The following FCRL3 variants were observed in gnomAD, a reference collection of about 807,000 sequenced individuals.
FCRL3 encodes the protein Fc receptor-like protein 3.
In FCRL3, 89 loss-of-function variants were observed where a neutral mutation model predicts 75.0. The ratio of observed to expected loss-of-function variants is 1.19; its 90% CI spans 1.00 to 1.42. FCRL3 has a LOEUF of 1.42. Ranked by LOEUF, FCRL3 falls within the 40% of genes most tolerant of loss-of-function variation. FCRL3 has a pLI of 0.00. For synonymous variants in FCRL3, 376 were observed against 348.5 expected (o/e 1.08, Z -0.88); for missense variants, 946 against 880.0 (o/e 1.07, Z -0.95).
chr1:157,699,641 G>A (rs1048757463), intron 3 of FCRL3, 51 bp downstream of exon 3: 13 of 1,606,810 alleles, frequency 8.1e-6, no homozygotes, highest in African/African-American at 1.3e-5. Flanking sequence ...TGTGTGGGCT[G>A]AGGGGACCAA....
At chr1:157,683,081 T>C in intron 11 of FCRL3, 136 bp downstream of exon 11, 1 of 917,574 alleles carries the variant, frequency 1.1e-6, no homozygotes. Flanking sequence ...CATTCACTTA[T>C]ATCTACTTTT....
intron 8 of FCRL3, among the ~76,000 whole-genome samples, chr1:157,694,406 G>T (rs889477879): frequency 1.3e-5 from 2 of 152,176 alleles, no homozygotes; most frequent in Non-Finnish European, 2.9e-5. Context: ...TTGGCCTATA[G>T]GAAGGATTAT....
chr1:157,688,326 A>G (rs1307756887), intron 10 of FCRL3, among the ~76,000 whole-genome samples: 1 of 152,172 alleles, frequency 6.6e-6, no homozygotes, highest in Non-Finnish European at 1.5e-5. Flanking sequence ...AAGTGATTCA[A>G]CCAGGGATAC....
In FCRL3 at chr1:157,677,684, A is replaced by G. The variant is rs1292502150; in HGVS notation, c.*1026T>C. 1.5e-5 allele frequency: 12 copies of G among 810,416 alleles called. No individual in the cohort carries two copies. The highest frequency in any genetic ancestry group is 5.7e-5 in the South Asian group (1 of 17,654). 50.2% of individuals were successfully genotyped at this position (810,416 alleles called of 1,614,324 possible). ...AACAAATGAACTATAGCAACACGCAACAATATGGATGAATCTTAGAAATAC... is the reference window on the plus strand; with the variant it reads ...AACAAATGAACTATAGCAACACGCAGCAATATGGATGAATCTTAGAAATAC... On this transcript the variant is annotated 3_prime_UTR_variant, in exon 15 of 15. Transcript: ENST00000368184.
chr1:157,680,276 G>A (rs572685506), intron 13 of FCRL3, among the ~76,000 whole-genome samples: 1 of 152,320 alleles, frequency 6.6e-6, no homozygotes, highest in South Asian at 2.1e-4. Context: ...GTTAATCTAG[G>A]CACTGATGTG....
intron 10 of FCRL3, among the ~76,000 whole-genome samples, chr1:157,683,710 G>A (rs890561881): frequency 2.0e-5 from 3 of 152,058 alleles, no homozygotes; most frequent in Non-Finnish European, 4.4e-5. Context: ...CTCTAACTGT[G>A]ACCCCTCACC....
chr1:157,695,575 C>A lies in FCRL3; in HGVS notation c.1165G>T (p.Ala389Ser). ...PVSHPVLTFR[A>S]PRAHTVVGDL... ...CCCACCACAGTGTGGGCCCTGGGAG[C>A]CCTGAAGGTGAGGACAGGGTGAGAT... The change falls in exon 8 of 15, where the codon GCT becomes TCT. Residue 389 changes from alanine to serine, a missense_variant. Coordinates refer to ENST00000368184, the MANE Select transcript of FCRL3 (RefSeq NM_052939.4). 6.2e-7 allele frequency: 1 copy of A among 1,613,060 alleles called. No homozygotes were observed. Among genetic ancestry groups the A allele is most frequent in the Non-Finnish European group, 8.5e-7 (1 of 1,179,438 alleles).
rs1654519767 is a variant in FCRL3 at position 157,677,271 on chromosome 1, T to C, written c.*1439A>G. ...AACCTAAGGGTAGCAGAGTTTATGGTGACCCTGTAGTGTATCTCCAGAAAT... is the reference window on the plus strand; with the variant it reads ...AACCTAAGGGTAGCAGAGTTTATGGCGACCCTGTAGTGTATCTCCAGAAAT... On this transcript the variant is annotated 3_prime_UTR_variant, in exon 15 of 15. Transcript: ENST00000368184. 1 of 996,856 alleles carries C rather than the reference T, an allele frequency of 1.0e-6. No homozygotes were observed. The allele number at this position is 996,856 out of a possible 1,614,324, so 61.8% of individuals were successfully genotyped here.
chr1:157,694,328 G>A (rs1373529937), intron 8 of FCRL3, among the ~76,000 whole-genome samples: 1 of 152,124 alleles, frequency 6.6e-6, no homozygotes, highest in Non-Finnish European at 1.5e-5. Context: ...TTCAAGACTC[G>A]AGTCTCTGTT....
intron 11 of FCRL3, among the ~76,000 whole-genome samples, chr1:157,682,740 C>T (rs1013980426): frequency 1.3e-5 from 2 of 152,244 alleles, no homozygotes; most frequent in Middle Eastern, 3.2e-3. Flanking sequence ...TTTTACACCT[C>T]ATATTACAAT....
rs183535679 is a variant in FCRL3, at chr1:157,680,990, A to G, written c.1948T>C (p.Tyr650His). 30 of 1,586,410 alleles carry G rather than the reference A, an allele frequency of 1.9e-5. No individual in the cohort carries two copies. The Admixed American group carries it at 3.7e-4, about 20-fold the overall frequency. ...PLAPMELEPMYSNVNPGDSNP... is the reference protein window; with the variant it reads ...PLAPMELEPMHSNVNPGDSNP... ...CCTAGGGAGTCCTCACCATTGCTGT[A>G]CATTGGCTCCAGCTCCATTGGGGCT... is the stretch of plus-strand genomic sequence containing the variant. Residue 650 changes from tyrosine (Y) to histidine (H), a missense_variant, in exon 12 of 15, where the codon TAC (tyrosine) becomes CAC (histidine). Tyr to His is a moderately conservative substitution (Grantham distance 83, BLOSUM62 2). Transcript: ENST00000368184.
chr1:157,692,223 T>A (rs1015820589), intron 8 of FCRL3, among the ~76,000 whole-genome samples: 3 of 152,112 alleles, frequency 2.0e-5, no homozygotes, highest in Non-Finnish European at 4.4e-5. Context: ...TTTTATTTTT[T>A]AATTTAATTT....
rs753573103 is a variant in FCRL3, at chr1:157,678,803, T to C, written c.2112A>G (p.Ala704=). The change falls in exon 15 of 15, where the codon GCA becomes GCG. Residue 704 remains alanine, a synonymous_variant. Coordinates refer to ENST00000368184, the MANE Select transcript of FCRL3 (RefSeq NM_052939.4). ...ELKKTHPDDS[A]GEASSRGRAH... Reference sequence around the variant, plus strand: ...CCCTGCCTCTGCTGCTAGCCTCCCCTGCAGAGTCGTCTGGGTGTGTCTTCT... The same window carrying C: ...CCCTGCCTCTGCTGCTAGCCTCCCCCGCAGAGTCGTCTGGGTGTGTCTTCT... The C allele has an allele frequency of 6.2e-7, 1 of 1,613,928 alleles. No homozygotes were observed. The highest frequency in any genetic ancestry group is 8.5e-7 in the Non-Finnish European group (1 of 1,179,992).
At chr1:157,694,875 A>G (rs1655784208) in intron 8 of FCRL3, among the ~76,000 whole-genome samples, 2 of 152,308 alleles carry the variant, frequency 1.3e-5, no homozygotes, top group South Asian at 4.1e-4. Flanking sequence ...AGAAGTGGGT[A>G]TCCATGAAGA....
chr1:157,697,940 C>T (rs1656061475), intron 4 of FCRL3, 21 bp from the exon 5 acceptor site: 2 of 1,610,194 alleles, frequency 1.2e-6, no homozygotes, highest in East Asian at 2.2e-5. Flanking sequence ...CACAGGAGCA[C>T]ACTCAGGTTA....
Position 157,677,074 on chromosome 1 carries a change from G to A in FCRL3, c.*1636C>T. On this transcript the variant is annotated 3_prime_UTR_variant, in exon 15 of 15. Transcript: ENST00000368184. ...AGAGATCAGCATCTCAGTACGGGCAGGACATCATGCCCTGCACTCAAAGGC... is the reference window on the plus strand; with the variant it reads ...AGAGATCAGCATCTCAGTACGGGCAAGACATCATGCCCTGCACTCAAAGGC... The A allele has an allele frequency of 2.6e-6, 3 of 1,159,016 alleles. No homozygotes were observed. Among genetic ancestry groups the A allele is most frequent in the Non-Finnish European group, 3.2e-6 (3 of 928,670 alleles). The allele number at this position is 1,159,016 out of a possible 1,614,324, so 71.8% of individuals were successfully genotyped here.
At position 157,690,544 on chromosome 1, in the gene FCRL3, A is replaced by G. The variant is rs1406501333; in HGVS notation, c.1412-11T>C. The G allele has an allele frequency of 3.7e-6, 6 of 1,612,306 alleles. No homozygotes were observed. The highest frequency in any genetic ancestry group is 5.1e-6 in the Non-Finnish European group (6 of 1,179,170). ...GGCGAGACACCGGAACTGAGGGAGG[A>G]AAAATAGTTCACTGGCAGTTTTACT... On this transcript the variant is annotated splice_polypyrimidine_tract_variant and intron_variant, in intron 8 of 14. Transcript: ENST00000368184.
rs1168346132 is a variant in FCRL3, at chr1:157,689,794, C to T, written c.1810+4G>A. On this transcript the variant is annotated splice_donor_region_variant and intron_variant, in intron 10 of 14. Coordinates refer to ENST00000368184, the MANE Select transcript of FCRL3 (RefSeq NM_052939.4). Reference sequence around the variant, plus strand: ...ACATCACAAGGTAGGACCTAGACACCCACCTGGTTTCCTTCGGGCCCTGGC... The same window carrying T: ...ACATCACAAGGTAGGACCTAGACACTCACCTGGTTTCCTTCGGGCCCTGGC... 1 of 1,614,020 alleles carries T rather than the reference C, an allele frequency of 6.2e-7. No homozygotes were observed. Among genetic ancestry groups the T allele is most frequent in the Admixed American group, 1.7e-5 (1 of 60,004 alleles).
chr1:157,676,806 C>A lies in FCRL3; in HGVS notation c.*1904G>T, dbSNP rs1333322736. The A allele has an allele frequency of 1.3e-6, 2 of 1,549,094 alleles. No homozygotes were observed. The highest frequency in any genetic ancestry group is 1.4e-5 in the African/African-American group (1 of 72,984). On this transcript the variant is annotated 3_prime_UTR_variant, in exon 15 of 15. Coordinates refer to ENST00000368184, the MANE Select transcript of FCRL3 (RefSeq NM_052939.4). ...TAAACAATGATAAGAGATGACAGGT[C>A]CCTTAGAGAAAGTTCACTATAAGGC...
Sources: gnomAD v4.1 joint callset for allele counts (sites outside exome capture counted in the v4.1 genomes callset) on GRCh38, gnomAD v4.1.1 for gene constraint, MANE v1.5 for transcripts, NCBI Gene and HGNC (gene_info 2026-07-23, HGNC 2026-07-21) for gene names.